Variants in CSMD1 observed in about 807,000 individuals in gnomAD.
The protein encoded by CSMD1 is CUB and Sushi multiple domains 1.
CSMD1 carries 213 observed loss-of-function variants against 417.5 expected under a neutral mutation model. The observed-to-expected ratio is 0.51, with a 90% CI of 0.46 to 0.57. The LOEUF (loss-of-function observed/expected upper bound fraction) is 0.57, where lower values mean the gene tolerates loss of function less well. Among genes scored for constraint, CSMD1 ranks in the 20% least tolerant of loss-of-function variants. The probability of loss-of-function intolerance (pLI) is 0.00; values close to 1 mark genes in which losing one functional copy is unlikely to be tolerated. For synonymous variants in CSMD1, 2,862 were observed against 1,736.8 expected (o/e 1.65, Z -16.11); for missense variants, 6,923 against 4,529.7 (o/e 1.53, Z -15.17).
At chr8:4,269,940 T>TG (rs1804473092) in intron 3 of CSMD1, among the ~76,000 whole-genome samples, 1 of 152,120 alleles carries the variant, frequency 6.6e-6, no homozygotes. Flanking sequence ...AGCCAACAGT[T>TG]GGGGGAAACC....
At chr8:4,935,692 T>C (rs78287679) in intron 1 of CSMD1, among the ~76,000 whole-genome samples, 2,928 of 152,182 alleles carry the variant, frequency 0.019, 36 homozygotes, top group Middle Eastern at 0.031. Context: ...ATATTTTTAG[T>C]TCTTGTTAGG....
intron 2 of CSMD1, among the ~76,000 whole-genome samples, chr8:4,454,705 T>G (rs1412949839): frequency 6.6e-6 from 1 of 152,170 alleles, no homozygotes; most frequent in African/African-American, 2.4e-5. Flanking sequence ...CTAATCAACC[T>G]GAAACTTTCG....
At chr8:3,561,418 G>A (rs911051969) in intron 10 of CSMD1, among the ~76,000 whole-genome samples, 3 of 152,118 alleles carry the variant, frequency 2.0e-5, no homozygotes, top group Non-Finnish European at 2.9e-5. Flanking sequence ...TAAAGAAAAT[G>A]CGGTATCTTT....
chr8:4,917,687 G>C (rs1403490433), intron 1 of CSMD1, among the ~76,000 whole-genome samples: 1 of 152,070 alleles, frequency 6.6e-6, no homozygotes, highest in Non-Finnish European at 1.5e-5. Flanking sequence ...GATTTGGATG[G>C]GGGCATAGAG....
chr8:3,378,397 A>C (rs944306556), intron 18 of CSMD1, among the ~76,000 whole-genome samples: 8 of 152,210 alleles, frequency 5.3e-5, no homozygotes, highest in Admixed American at 1.3e-4. Context: ...AACTCATTTT[A>C]TGAGGGCAGC....
chr8:3,208,921 A>G (rs1276861114), intron 30 of CSMD1, among the ~76,000 whole-genome samples: 1 of 152,112 alleles, frequency 6.6e-6, no homozygotes, highest in East Asian at 1.9e-4. Flanking sequence ...TATTGTGGGA[A>G]TTTGTGATCA....
intron 1 of CSMD1, among the ~76,000 whole-genome samples, chr8:4,691,056 A>G (rs543249444): frequency 6.6e-6 from 1 of 152,292 alleles, no homozygotes; most frequent in South Asian, 2.1e-4. Context: ...GCTTTGAAAC[A>G]TGCACCTTTA....
At chr8:3,668,984 C>T (rs1798845006) in intron 7 of CSMD1, among the ~76,000 whole-genome samples, 1 of 152,126 alleles carries the variant, frequency 6.6e-6, no homozygotes, top group African/African-American at 2.4e-5. Context: ...ACCAGGTTAG[C>T]CTGTGCTTTC....
chr8:4,311,599 T>G (rs571432054), intron 3 of CSMD1, among the ~76,000 whole-genome samples: 6 of 151,920 alleles, frequency 3.9e-5, no homozygotes, highest in African/African-American at 1.4e-4. Context: ...TGTGGGCGCC[T>G]GTAGTCCCAG....
intron 6 of CSMD1, among the ~76,000 whole-genome samples, chr8:3,744,009 T>G (rs1164107687): frequency 6.6e-6 from 1 of 152,198 alleles, no homozygotes; most frequent in Non-Finnish European, 1.5e-5. Flanking sequence ...AATTGTGTAT[T>G]TCTCAATATC....
At chr8:4,631,788 C>G (rs951845875) in intron 2 of CSMD1, among the ~76,000 whole-genome samples, 10 of 152,126 alleles carry the variant, frequency 6.6e-5, no homozygotes, top group African/African-American at 1.7e-4. Context: ...ATCAGCATTG[C>G]AGAAAATTAG....
chr8:3,074,152 G>T (rs972849116), intron 49 of CSMD1, among the ~76,000 whole-genome samples: 2 of 152,158 alleles, frequency 1.3e-5, no homozygotes, highest in Admixed American at 6.5e-5. Flanking sequence ...ACTGGCTGTG[G>T]GCTCTCAGCG....
chr8:3,561,710 G>A (rs951254750), intron 10 of CSMD1, among the ~76,000 whole-genome samples: 2 of 152,042 alleles, frequency 1.3e-5, no homozygotes, highest in African/African-American at 2.4e-5. Flanking sequence ...TACCAGCCCC[G>A]ACCCCACCAC....
chr8:4,370,898 A>G (rs914843138), intron 3 of CSMD1, among the ~76,000 whole-genome samples: 2 of 152,188 alleles, frequency 1.3e-5, no homozygotes, highest in Non-Finnish European at 2.9e-5. Flanking sequence ...ATTGCCATCC[A>G]GATTCTGAAG....
Position 3,184,353 on chromosome 8 carries a change from T to A in CSMD1, c.5621-3139A>T, listed in dbSNP as rs1296487417. Among the ~76,000 whole-genome samples, 3 of 152,206 alleles carry A rather than the reference T, an allele frequency of 2.0e-5. No homozygotes were observed. In the East Asian group the frequency reaches 5.8e-4, roughly 29 times the overall value. On this transcript the variant is annotated intron_variant, in intron 36 of 69. Transcript: ENST00000635120. ...ACATACTAGTTATTCTCTGACTTCG[T>A]GCAAAGCAGAACCTTCCCTGATTAG...
chr8:3,494,845 C>T (rs969172762), intron 10 of CSMD1, among the ~76,000 whole-genome samples: 4 of 151,990 alleles, frequency 2.6e-5, no homozygotes, highest in Admixed American at 6.6e-5. Flanking sequence ...TCTGAAATAG[C>T]GTAGAAAAGT....
intron 3 of CSMD1, among the ~76,000 whole-genome samples, chr8:4,226,710 A>G (rs1801379853): frequency 6.6e-6 from 1 of 152,158 alleles, no homozygotes; most frequent in Admixed American, 6.5e-5. Context: ...TCTTTAAAAA[A>G]GAAAAAAAAA....
At chr8:3,910,652 G>A (rs1808403206) in intron 5 of CSMD1, among the ~76,000 whole-genome samples, 1 of 152,136 alleles carries the variant, frequency 6.6e-6, no homozygotes, top group Non-Finnish European at 1.5e-5. Context: ...TAAGAAAACA[G>A]ACTGATATTG....
chr8:3,370,571 G>A (rs1273801642), intron 18 of CSMD1, among the ~76,000 whole-genome samples: 2 of 152,240 alleles, frequency 1.3e-5, no homozygotes, highest in African/African-American at 4.8e-5. Context: ...ATGTCTGTGA[G>A]GGTGCTGCTA....
Sources: gnomAD v4.1 joint callset for allele counts (sites outside exome capture counted in the v4.1 genomes callset) on GRCh38, gnomAD v4.1.1 for gene constraint, MANE v1.5 for transcripts, NCBI Gene and HGNC (gene_info 2026-07-23, HGNC 2026-07-21) for gene names.